The following EPHA4 variants were observed in gnomAD, a reference collection of about 807,000 sequenced individuals.
EPHA4 encodes the protein EPH receptor A4.
Under a neutral mutation model 108.3 loss-of-function variants are expected in EPHA4, and 19 were observed. The ratio of observed to expected loss-of-function variants is 0.18; its 90% CI spans 0.12 to 0.26. EPHA4 has a LOEUF of 0.26. Ranked by LOEUF, EPHA4 falls within the 10% of genes least tolerant of loss-of-function variation. The pLI is 1.00. For synonymous variants in EPHA4, 449 were observed against 455.5 expected (o/e 0.99, Z 0.18); for missense variants, 917 against 1,254.0 (o/e 0.73, Z 4.06).
At chr2:221,570,912 T>C (rs893664303) in intron 1 of EPHA4, among the ~76,000 whole-genome samples, 2 of 151,114 alleles carry the variant, frequency 1.3e-5, no homozygotes, top group African/African-American at 4.9e-5. Context: ...GATGGATAGA[T>C]AGACGGATGG....
At chr2:221,427,619 T>A (rs1303452235) in intron 15 of EPHA4, among the ~76,000 whole-genome samples, 1 of 152,194 alleles carries the variant, frequency 6.6e-6, no homozygotes, top group Non-Finnish European at 1.5e-5. Flanking sequence ...GAACTTCTGT[T>A]TTTCCTAAAA....
chr2:221,522,588 C>A (rs1161692443), intron 3 of EPHA4, among the ~76,000 whole-genome samples: 2 of 152,150 alleles, frequency 1.3e-5, no homozygotes. Flanking sequence ...CCCACTCTCA[C>A]CCCAAAATGT....
chr2:221,423,791 T>C (rs1401844831), intron 17 of EPHA4, among the ~76,000 whole-genome samples: 2 of 151,992 alleles, frequency 1.3e-5, no homozygotes, highest in Admixed American at 6.6e-5. Context: ...AATTATTCAA[T>C]GTACACAAGG....
chr2:221,495,914 G>A (rs557183659), intron 4 of EPHA4, among the ~76,000 whole-genome samples: 1 of 152,222 alleles, frequency 6.6e-6, no homozygotes, highest in South Asian at 2.1e-4. Context: ...CACTAAATGC[G>A]AGGCTGCATA....
intron 3 of EPHA4, among the ~76,000 whole-genome samples, chr2:221,510,938 ACAGCT>A (rs1292760748): frequency 6.6e-6 from 1 of 152,166 alleles, no homozygotes; most frequent in Non-Finnish European, 1.5e-5. Context: ...CTACTTAAAA[ACAGCT>A]CTGCTTCATA....
At chr2:221,456,312 T>G (rs1690950907) in intron 7 of EPHA4, among the ~76,000 whole-genome samples, 1 of 152,158 alleles carries the variant, frequency 6.6e-6, no homozygotes, top group African/African-American at 2.4e-5. Context: ...TAACCCTCAA[T>G]TTGTCAGTTT....
In EPHA4 at chr2:221,482,674, G is replaced by A; in HGVS notation, c.996C>T (p.Pro332=). The change falls in exon 5 of 18, where the codon CCC becomes CCT. Residue 332 remains proline, a synonymous_variant. Transcript: ENST00000281821. ...CGTTGACATTTGAAATCAAGTTCAG[G>A]GGAGCAGATGGTGGACCTGGAGAAA... is the stretch of plus-strand genomic sequence containing the variant. ...SMPCTRPPSA[P]LNLISNVNET... is the part of the protein sequence containing the mutation. 6.3e-7 allele frequency: 1 copy of A among 1,596,054 alleles called. No homozygotes were observed. The highest frequency in any genetic ancestry group is 8.6e-7 in the Non-Finnish European group (1 of 1,165,928).
At chr2:221,521,905 T>G (rs1381477822) in intron 3 of EPHA4, among the ~76,000 whole-genome samples, 7 of 152,078 alleles carry the variant, frequency 4.6e-5, no homozygotes, top group Admixed American at 6.6e-5. Context: ...TGAACCCAGG[T>G]GGCAGACGTT....
intron 4 of EPHA4, among the ~76,000 whole-genome samples, chr2:221,487,765 G>A (rs775757830): frequency 1.3e-5 from 2 of 152,026 alleles, no homozygotes; most frequent in Non-Finnish European, 2.9e-5. Context: ...CTTCCTTCAC[G>A]TTTTTGGTTG....
chr2:221,560,177 T>C (rs1694420591), intron 3 of EPHA4, among the ~76,000 whole-genome samples: 1 of 144,460 alleles, frequency 6.9e-6, no homozygotes, highest in South Asian at 2.4e-4. Flanking sequence ...ATCTTCCCTC[T>C]GACCTCCCGG....
At chr2:221,491,396 A>G (rs1032621833) in intron 4 of EPHA4, among the ~76,000 whole-genome samples, 4 of 152,230 alleles carry the variant, frequency 2.6e-5, no homozygotes, top group South Asian at 4.1e-4. Context: ...CAACAATCTG[A>G]TCGCCAAAAA....
rs1055504574 is a variant in EPHA4 at position 221,572,263 on chromosome 2, A to C, written c.-15T>G. ...ATCCCAGCCATGGTTCGCCGGTGCC[A>C]ACGCTGCTCCTGCCGCTTCTATCCC... On this transcript the variant is annotated 5_prime_UTR_variant, in exon 1 of 18. Coordinates refer to ENST00000281821, the MANE Select transcript of EPHA4 (RefSeq NM_004438.5). 6 of 1,607,228 alleles carry C rather than the reference A, an allele frequency of 3.7e-6. No homozygotes were observed. The highest frequency in any genetic ancestry group is 5.1e-6 in the Non-Finnish European group (6 of 1,173,724).
At chr2:221,421,141 CA>C (rs1689748774) in intron 17 of EPHA4, among the ~76,000 whole-genome samples, 1 of 151,900 alleles carries the variant, frequency 6.6e-6, no homozygotes. Flanking sequence ...ACTAAAAATA[CA>C]AAAAATTAGC....
At chr2:221,540,815 G>A (rs976157456) in intron 3 of EPHA4, among the ~76,000 whole-genome samples, 2 of 152,080 alleles carry the variant, frequency 1.3e-5, no homozygotes, top group South Asian at 2.1e-4. Context: ...CAGGCTTGTC[G>A]AAACCTCACT....
intron 3 of EPHA4, among the ~76,000 whole-genome samples, chr2:221,523,390 C>T (rs763641626): frequency 5.3e-5 from 8 of 150,810 alleles, no homozygotes; most frequent in Non-Finnish European, 1.0e-4. Context: ...CAAGTTCAAG[C>T]AATTCTCCTG....
At chr2:221,428,960 G>C (rs1313387245) in intron 15 of EPHA4, among the ~76,000 whole-genome samples, 1 of 152,050 alleles carries the variant, frequency 6.6e-6, no homozygotes, top group Non-Finnish European at 1.5e-5. Context: ...GTTTTCAGGA[G>C]AAAGATGAGA....
At chr2:221,505,952 G>A (rs1011307011) in intron 3 of EPHA4, among the ~76,000 whole-genome samples, 3 of 152,120 alleles carry the variant, frequency 2.0e-5, no homozygotes, top group Non-Finnish European at 4.4e-5. Context: ...CATTAATGGG[G>A]GGTTAAAAAT....
intron 1 of EPHA4, among the ~76,000 whole-genome samples, chr2:221,569,114 C>T (rs1187059771): frequency 3.3e-5 from 5 of 152,126 alleles, no homozygotes; most frequent in African/African-American, 1.2e-4. Context: ...AGTTACACTC[C>T]AGAGCAAAAT....
intron 3 of EPHA4, among the ~76,000 whole-genome samples, chr2:221,504,208 T>C (rs1692564134): frequency 6.6e-6 from 1 of 152,228 alleles, no homozygotes; most frequent in Non-Finnish European, 1.5e-5. Flanking sequence ...ATGAACCATC[T>C]GAATGGGTGT....
Sources: gnomAD v4.1 joint callset for allele counts (sites outside exome capture counted in the v4.1 genomes callset) on GRCh38, gnomAD v4.1.1 for gene constraint, MANE v1.5 for transcripts, NCBI Gene and HGNC (gene_info 2026-07-23, HGNC 2026-07-21) for gene names.